TTLL8: variants seen among roughly 807,000 people sequenced by gnomAD.
TTLL8 encodes the protein protein monoglycylase TTLL8.
Under a neutral mutation model 77.8 loss-of-function variants are expected in TTLL8, and 65 were observed. The observed-to-expected ratio is 0.84, with a 90% confidence interval of 0.68 to 1.03. The LOEUF (loss-of-function observed/expected upper bound fraction) is 1.03, where lower values mean the gene tolerates loss of function less well. Among genes scored for constraint, TTLL8 ranks in the 50% least tolerant of loss-of-function variants. The pLI is 0.00. For synonymous variants in TTLL8, 402 were observed against 422.8 expected (o/e 0.95, Z 0.60); for missense variants, 910 against 1,004.5 (o/e 0.91, Z 1.27).
intron 12 of TTLL8, among the ~76,000 whole-genome samples, chr22:50,028,323 C>T (rs922744942): frequency 3.3e-5 from 5 of 152,238 alleles, no homozygotes; most frequent in African/African-American, 1.2e-4. Flanking sequence ...GGCAACATTG[C>T]TTACGGCAAC....
At chr22:50,031,618 G>C (rs2061293562) in intron 11 of TTLL8, 68 bp downstream of exon 12, 1 of 1,209,452 alleles carries the variant, frequency 8.3e-7, no homozygotes, top group Admixed American at 3.0e-5. Context: ...CCCTCGCCCA[G>C]TGACCAGGTG....
intron 8 of TTLL8, among the ~76,000 whole-genome samples, chr22:50,037,396 T>C (rs2061344291): frequency 6.6e-6 from 1 of 151,882 alleles, no homozygotes; most frequent in Non-Finnish European, 1.5e-5. Context: ...TTAGTAGAGA[T>C]GGGTTTCACC....
At position 50,047,470 on chromosome 22, in the gene TTLL8, C is replaced by T. The variant is rs532079370; in HGVS notation, c.265-174G>A. Among the ~76,000 whole-genome samples the T allele has an allele frequency of 3.9e-5, 6 of 152,290 alleles. 1 individual carries two copies. The East Asian group carries it at 9.7e-4, about 25-fold the overall frequency. On this transcript the variant is annotated intron_variant, in intron 3 of 13. Transcript: ENST00000266182. ...GGCCTCCTGCACATGGGATGTGGGG[C>T]GCAACCAGGACCACATACGGTTTCC... is the stretch of plus-strand genomic sequence containing the variant.
chr22:50,039,065 G>A lies in TTLL8; in HGVS notation c.921+2122C>T, dbSNP rs144453293. 1.7e-4 allele frequency among the ~76,000 whole-genome samples: 26 copies of A among 152,022 alleles called. No homozygotes were observed. In the East Asian group the frequency reaches 2.3e-3, roughly 14 times the overall value. The stretch of plus-strand genomic sequence containing the variant: ...CACTGGTTTAATTAAATAATATTTC[G>A]GTTAAAGTTTTGTGTACATATATAT... On this transcript the variant is annotated intron_variant, in intron 8 of 13. Coordinates refer to ENST00000266182, the Ensembl canonical transcript of TTLL8.
rs375680639 is a variant in TTLL8, at chr22:50,050,009, G to C, written c.190+100C>G. ...CGGAGATACCCCATCACGCACACCA[G>C]GGCCGAGGGGCAGGCACCACACTCA... On this transcript the variant is annotated intron_variant, in intron 2 of 13. Coordinates refer to ENST00000266182, the Ensembl canonical transcript of TTLL8. 17 of 1,260,928 alleles carry C rather than the reference G, an allele frequency of 1.3e-5. 1 individual carries two copies. The African/African-American group carries it at 2.3e-4, about 17-fold the overall frequency. The allele number at this position is 1,260,928 out of a possible 1,614,324, so 78.1% of individuals were successfully genotyped here.
chr22:50,022,479 C>T (rs1445464233), intron 12 of TTLL8, among the ~76,000 whole-genome samples: 3 of 151,698 alleles, frequency 2.0e-5, no homozygotes, highest in Non-Finnish European at 2.9e-5. Context: ...GACGTGTACT[C>T]CTCCATCTGA....
exon 10 of TTLL8, chr22:50,033,306 T>C (rs769693916): frequency 8.8e-6 from 12 of 1,364,782 alleles, no homozygotes; most frequent in Admixed American, 1.9e-5. Context: ...GGAACCACTG[T>C]CTGATGTCGA....
At chr22:50,030,271 C>A in intron 12 of TTLL8, 159 bp downstream of exon 13, 6 of 985,372 alleles carry the variant, frequency 6.1e-6, no homozygotes, top group Non-Finnish European at 7.2e-6. Flanking sequence ...AACCCCGCTC[C>A]CCGGCTCCCG....
intron 10 of TTLL8, among the ~76,000 whole-genome samples, chr22:50,032,620 C>G (rs1232464789): frequency 6.6e-6 from 1 of 152,194 alleles, no homozygotes; most frequent in Non-Finnish European, 1.5e-5. Flanking sequence ...GATTCTCACT[C>G]GTAAAAAGCA....
chr22:50,020,702 ATGTACTCCTCCATCTGACG>A (rs2061190954), intron 12 of TTLL8, among the ~76,000 whole-genome samples: 1 of 125,844 alleles, frequency 7.9e-6, no homozygotes, highest in African/African-American at 3.1e-5. Context: ...TCCATCTGAC[ATGTACTCCTCCATCTGACG>A]ATGTGCACTC....
At chr22:50,019,266 C>G (rs372275754) in intron 12 of TTLL8, among the ~76,000 whole-genome samples, 2 of 152,116 alleles carry the variant, frequency 1.3e-5, no homozygotes, top group African/African-American at 4.8e-5. Context: ...TCAATGAAAA[C>G]TAAGGCAAGA....
chr22:50,045,919 G>A, exon 5 of TTLL8: 1 of 1,362,070 alleles, frequency 7.3e-7, no homozygotes, highest in South Asian at 1.1e-5. Flanking sequence ...AAGGAGTCGG[G>A]GTTGGCCGGG....
At chr22:50,045,576 G>T (rs190571135) in intron 5 of TTLL8, among the ~76,000 whole-genome samples, 187 bp from the exon 8 acceptor site, 1 of 152,028 alleles carries the variant, frequency 6.6e-6, no homozygotes, top group Non-Finnish European at 1.5e-5. Flanking sequence ...GACTGCGGCC[G>T]TCCAGCTGCA....
chr22:50,047,600 C>T (rs914565915), intron 3 of TTLL8, among the ~76,000 whole-genome samples: 8 of 152,092 alleles, frequency 5.3e-5, no homozygotes, highest in African/African-American at 9.7e-5. Flanking sequence ...TGCCACTTGC[C>T]GAGGTGACAC....
intron 1 of TTLL8, among the ~76,000 whole-genome samples, chr22:50,053,442 T>TGA (rs1331572904): frequency 2.4e-4 from 36 of 152,268 alleles, no homozygotes; most frequent in Admixed American, 2.3e-3. Flanking sequence ...AACTGTAAAA[T>TGA]ACTTTGAACT....
At chr22:50,054,115 G>C (rs1189588915) in intron 1 of TTLL8, among the ~76,000 whole-genome samples, 1 of 152,230 alleles carries the variant, frequency 6.6e-6, no homozygotes, top group Admixed American at 6.5e-5. Context: ...GTACCTCAGA[G>C]GGGAGTTAAG....
intron 11 of TTLL8, among the ~76,000 whole-genome samples, chr22:50,031,343 G>A (rs542310341): frequency 1.3e-5 from 2 of 152,212 alleles, no homozygotes; most frequent in Admixed American, 6.5e-5. Flanking sequence ...TGGAGGCTGC[G>A]GGCATGGAGC....
chr22:50,045,722 C>G, intron 5 of TTLL8, 134 bp downstream of exon 7: 1 of 1,212,960 alleles, frequency 8.2e-7, no homozygotes, highest in South Asian at 1.4e-5. Flanking sequence ...CTGCCATGAC[C>G]ATGACCATGG....
intron 3 of TTLL8, among the ~76,000 whole-genome samples, chr22:50,048,759 A>G (rs1382545653): frequency 1.3e-5 from 2 of 152,204 alleles, no homozygotes; most frequent in African/African-American, 4.8e-5. Flanking sequence ...AATTTTAAGT[A>G]CTGCAAATGC....
Sources: gnomAD v4.1 joint callset for allele counts (sites outside exome capture counted in the v4.1 genomes callset) on GRCh38, gnomAD v4.1.1 for gene constraint, MANE v1.5 for transcripts, NCBI Gene and HGNC (gene_info 2026-07-23, HGNC 2026-07-21) for gene names.